Variants in RBBP9 observed in about 807,000 individuals in gnomAD.
RBBP9 encodes the protein serine hydrolase RBBP9.
In RBBP9, 20 loss-of-function variants were observed where a neutral mutation model predicts 24.2. The observed-to-expected ratio is 0.83, with a 90% confidence interval of 0.58 to 1.20. RBBP9 has a LOEUF of 1.20. Ranked by LOEUF, RBBP9 falls within the 50% of genes most tolerant of loss-of-function variation. RBBP9 has a pLI of 0.00. For synonymous variants in RBBP9, 74 were observed against 84.6 expected, an observed-to-expected ratio of 0.87 and a Z score of 0.69; for missense variants, 234 against 233.6, an observed-to-expected ratio of 1.00 and a Z score of -0.01.
intron 1 of RBBP9, 133 bp downstream of exon 1, chr20:18,496,935 CG>C (rs1568588579): frequency 2.9e-6 from 2 of 693,476 alleles, no homozygotes; most frequent in Non-Finnish European, 2.5e-6. Context: ...GAGAAGGCAG[CG>C]GGGGAGAGGC....
chr20:18,496,132 G>C (rs1320894512), intron 1 of RBBP9, among the ~76,000 whole-genome samples: 12 of 152,218 alleles, frequency 7.9e-5, no homozygotes, highest in Admixed American at 7.2e-4. Context: ...CTACAGGCCT[G>C]CATCTATAGA....
At chr20:18,494,129 C>T in intron 2 of RBBP9, 66 bp from the exon 3 acceptor site, 1 of 1,288,298 alleles carries the variant, frequency 7.8e-7, no homozygotes, top group Non-Finnish European at 1.1e-6. Context: ...AACGCTGCCC[C>T]ACCTTTCAAA....
intron 3 of RBBP9, among the ~76,000 whole-genome samples, chr20:18,492,887 C>G (rs998229331): frequency 6.6e-6 from 1 of 152,178 alleles, no homozygotes; most frequent in Non-Finnish European, 1.5e-5. Context: ...TTCAATAATA[C>G]AAGGAGCTCT....
chr20:18,486,809 C>T lies in RBBP9; in HGVS notation c.*2955G>A, dbSNP rs956108247. The T allele has an allele frequency of 1.3e-5, 2 of 152,052 alleles. No individual in the cohort carries two copies. Among genetic ancestry groups the T allele is most frequent in the African/African-American group, 4.8e-5 (2 of 41,372 alleles). 9.4% of individuals were successfully genotyped at this position (152,052 alleles called of 1,614,324 possible). On this transcript the variant is annotated 3_prime_UTR_variant, in exon 5 of 5. Transcript: ENST00000337227. ...ATACTCCCCAGAGTGTATAGAGGCC[C>T]CTGTATATTCAATGATGACCACAAA...
chr20:18,495,312 A>G (rs1600214496), intron 2 of RBBP9, among the ~76,000 whole-genome samples: 1 of 145,848 alleles, frequency 6.9e-6, no homozygotes, highest in East Asian at 2.0e-4. Flanking sequence ...TCTCTGAAAC[A>G]TGTGCTGTGT....
At chr20:18,490,517 G>A in intron 3 of RBBP9, 37 bp from the exon 4 acceptor site, 3 of 1,476,792 alleles carry the variant, frequency 2.0e-6, no homozygotes, top group Non-Finnish European at 2.8e-6. Flanking sequence ...AATATATAAT[G>A]TTACCTCTGA....
intron 1 of RBBP9, 60 bp from the exon 2 acceptor site, chr20:18,495,940 G>A: frequency 7.4e-7 from 1 of 1,346,538 alleles, no homozygotes; most frequent in South Asian, 1.4e-5. Flanking sequence ...CTAATACTTT[G>A]CTAATAAGAA....
intron 3 of RBBP9, among the ~76,000 whole-genome samples, chr20:18,492,289 C>T (rs919414384): frequency 6.6e-6 from 1 of 152,038 alleles, no homozygotes; most frequent in Non-Finnish European, 1.5e-5. Flanking sequence ...CCAAAAATGT[C>T]CTTTAAAACA....
rs923030250 is a variant in RBBP9, at chr20:18,487,389, T to C, written c.*2375A>G. ...CAACAAAGTTTTGTGAACTAAATTG[T>C]ATAAGTTTCTTTTTTAGGAAAGGAC... On this transcript the variant is annotated 3_prime_UTR_variant, in exon 5 of 5. Transcript: ENST00000337227. 3.3e-5 allele frequency: 5 copies of C among 152,220 alleles called. No homozygotes were observed. The highest frequency in any genetic ancestry group is 1.2e-4 in the African/African-American group (5 of 41,448). The allele number at this position is 152,220 out of a possible 1,614,324, so 9.4% of individuals were successfully genotyped here.
rs1384525783 is a variant in RBBP9 at position 18,486,915 on chromosome 20, A to G, written c.*2849T>C. 6.6e-6 allele frequency: 1 copy of G among 151,474 alleles called. No homozygotes were observed. Among genetic ancestry groups the G allele is most frequent in the Non-Finnish European group, 1.5e-5 (1 of 67,798 alleles). 9.4% of individuals were successfully genotyped at this position (151,474 alleles called of 1,614,324 possible). On this transcript the variant is annotated 3_prime_UTR_variant, in exon 5 of 5. Coordinates refer to ENST00000337227, the MANE Select transcript of RBBP9 (RefSeq NM_006606.3). ...GTTTGTGTAGATTTTCCCATGAAAC[A>G]CCCCTGATCTTAGTTGGGTGATTTA...
intron 2 of RBBP9, among the ~76,000 whole-genome samples, chr20:18,495,062 C>G (rs574960857): frequency 8.6e-5 from 13 of 151,474 alleles, no homozygotes; most frequent in African/African-American, 3.2e-4. Context: ...CCCCTCTGTC[C>G]GGCCACCACC....
rs2059850083 is a variant in RBBP9, at chr20:18,487,978, A to T, written c.*1786T>A. 6.6e-6 allele frequency: 1 copy of T among 152,022 alleles called. No homozygotes were observed. Among genetic ancestry groups the T allele is most frequent in the South Asian group, 2.1e-4 (1 of 4,822 alleles). 9.4% of individuals were successfully genotyped at this position (152,022 alleles called of 1,614,324 possible). A position where few individuals can be genotyped will look rare whatever the true frequency, so the allele number is the denominator to read the frequency against. On this transcript the variant is annotated 3_prime_UTR_variant, in exon 5 of 5. Transcript: ENST00000337227. ...AAATAATAATAAGGACGTCCACCAC[A>T]CTTTACCTACCAAAATGCCCATTCC...
At position 18,489,651 on chromosome 20, in the gene RBBP9, T is replaced by C. The variant is rs1318519854; in HGVS notation, c.*113A>G. The stretch of plus-strand genomic sequence containing the variant: ...GATTGAATGTTGAAACTTGTGTTTG[T>C]TTTTCAGGCACTTACGGAACTTAAC... On this transcript the variant is annotated 3_prime_UTR_variant, in exon 5 of 5. Coordinates refer to ENST00000337227, the MANE Select transcript of RBBP9 (RefSeq NM_006606.3). 2.9e-6 allele frequency: 2 copies of C among 682,032 alleles called. No individual in the cohort carries two copies. The highest frequency in any genetic ancestry group is 5.5e-5 in the East Asian group (2 of 36,272). The allele number at this position is 682,032 out of a possible 1,614,324, so 42.2% of individuals were successfully genotyped here.
At chr20:18,492,096 CAAAAAAA>C (rs71194242) in intron 3 of RBBP9, among the ~76,000 whole-genome samples, 1 of 70,064 alleles carries the variant, frequency 1.4e-5, no homozygotes, top group African/African-American at 5.6e-5. Context: ...GGCTCTGTCT[CAAAAAAA>C]AAAAAAAAAA....
In RBBP9 at chr20:18,487,964, A is replaced by T. The variant is rs1257714598; in HGVS notation, c.*1800T>A. 1 of 152,166 alleles carries T rather than the reference A, an allele frequency of 6.6e-6. No homozygotes were observed. Among genetic ancestry groups the T allele is most frequent in the Non-Finnish European group, 1.5e-5 (1 of 68,022 alleles). 9.4% of individuals were successfully genotyped at this position (152,166 alleles called of 1,614,324 possible). The stretch of plus-strand genomic sequence containing the variant: ...AGACACTGTCTCAAAAATAATAATA[A>T]GGACGTCCACCACACTTTACCTACC... On this transcript the variant is annotated 3_prime_UTR_variant, in exon 5 of 5. Transcript: ENST00000337227.
intron 2 of RBBP9, among the ~76,000 whole-genome samples, chr20:18,495,609 AAATAAAT>A (rs1321411401): frequency 6.7e-6 from 1 of 149,496 alleles, no homozygotes; most frequent in Non-Finnish European, 1.5e-5. Flanking sequence ...ATAAATAAAT[AAATAAAT>A]AAATAAAAAT....
intron 2 of RBBP9, among the ~76,000 whole-genome samples, chr20:18,494,322 AAAATACTAAGG>A (rs2059876795): frequency 6.8e-6 from 1 of 148,080 alleles, no homozygotes; most frequent in African/African-American, 2.5e-5. Flanking sequence ...TTCTTGTAAG[AAAATACTAAGG>A]AAATAATAAA....
intron 1 of RBBP9, among the ~76,000 whole-genome samples, chr20:18,496,226 G>A (rs1417147749): frequency 2.0e-5 from 3 of 152,114 alleles, no homozygotes; most frequent in African/African-American, 7.2e-5. Context: ...CGTGGCACAG[G>A]AACGTGATAC....
intron 3 of RBBP9, among the ~76,000 whole-genome samples, chr20:18,491,608 T>A (rs2059865791): frequency 6.6e-6 from 1 of 152,008 alleles, no homozygotes; most frequent in Non-Finnish European, 1.5e-5. Context: ...GTCTCCTTTA[T>A]TGGCAAAAAC....
Sources: allele counts gnomAD v4.1 joint callset (sites outside exome capture counted in the v4.1 genomes callset), GRCh38; gene constraint gnomAD v4.1.1; transcripts MANE v1.5; gene names NCBI Gene and HGNC (gene_info 2026-07-23, HGNC 2026-07-21).